GPC6: variants seen among roughly 807,000 people sequenced by gnomAD.
GPC6 encodes glypican 6.
A neutral mutation model predicts 55.2 loss-of-function variants in GPC6; 14 were observed. That is an observed-to-expected ratio of 0.25 (90% CI 0.17 to 0.40). GPC6 has a LOEUF of 0.40. Among genes scored for constraint, GPC6 ranks in the 10% least tolerant of loss-of-function variants. The probability of loss-of-function intolerance (pLI) is 1.00; values close to 1 mark genes in which losing one functional copy is unlikely to be tolerated. For missense variants in GPC6, 641 were observed against 708.5 expected, an observed-to-expected ratio of 0.90 and a Z score of 1.08; for synonymous variants, 278 against 259.6, an observed-to-expected ratio of 1.07 and a Z score of -0.68.
At chr13:94,020,396 G>C (rs1401573821) in intron 3 of GPC6, among the ~76,000 whole-genome samples, 1 of 152,136 alleles carries the variant, frequency 6.6e-6, no homozygotes, top group African/African-American at 2.4e-5. Flanking sequence ...ATTTAGTAAT[G>C]CTTTTTCGAC....
intron 3 of GPC6, among the ~76,000 whole-genome samples, chr13:93,918,595 C>T (rs950269689): frequency 2.6e-5 from 4 of 152,172 alleles, no homozygotes; most frequent in African/African-American, 9.7e-5. Flanking sequence ...TTGGAAGTTA[C>T]TCATCTCATA....
At chr13:93,640,222 G>T (rs1379427694) in intron 2 of GPC6, among the ~76,000 whole-genome samples, 1 of 151,728 alleles carries the variant, frequency 6.6e-6, no homozygotes. Context: ...GCACAAAAAT[G>T]TTAAAAATCC....
chr13:94,368,110 C>T (rs1049941340), intron 6 of GPC6, among the ~76,000 whole-genome samples: 21 of 146,068 alleles, frequency 1.4e-4, no homozygotes, highest in Admixed American at 6.3e-4. Context: ...GATCGCACCA[C>T]TGCACTCCAG....
rs1406680901 is a variant in GPC6 at position 93,553,224 on chromosome 13, C to G, written c.319+7803C>G. Among the ~76,000 whole-genome samples the G allele has an allele frequency of 2.0e-5, 3 of 151,154 alleles. No individual in the cohort carries two copies. The Admixed American group carries it at 2.0e-4, about 10-fold the overall frequency. On this transcript the variant is annotated intron_variant, in intron 2 of 8. Transcript: ENST00000377047. ...TAAAAAATTATTCTTTCTTCTTCCA[C>G]TGAGCCAGTGTAAGAGTTCCTTTTT... is the stretch of plus-strand genomic sequence containing the variant.
At chr13:93,895,247 T>C (rs1184520082) in intron 3 of GPC6, among the ~76,000 whole-genome samples, 5 of 62,344 alleles carry the variant, frequency 8.0e-5, no homozygotes, top group African/African-American at 2.8e-4. Context: ...TATATATATA[T>C]ATATATATAT....
At chr13:94,095,965 A>G (rs1885640999) in intron 4 of GPC6, among the ~76,000 whole-genome samples, 1 of 152,192 alleles carries the variant, frequency 6.6e-6, no homozygotes, top group Non-Finnish European at 1.5e-5. Context: ...ATCACTAAGA[A>G]TGCCACCCAA....
intron 1 of GPC6, among the ~76,000 whole-genome samples, chr13:93,365,995 T>A (rs1881233236): frequency 6.6e-6 from 1 of 152,106 alleles, no homozygotes; most frequent in Non-Finnish European, 1.5e-5. Context: ...ATTTTACATA[T>A]TTTTACTAAG....
intron 4 of GPC6, among the ~76,000 whole-genome samples, chr13:94,194,985 A>T (rs909559417): frequency 1.3e-5 from 2 of 152,158 alleles, no homozygotes; most frequent in African/African-American, 4.8e-5. Context: ...TAAGAGGAGT[A>T]TGAGAAGTAT....
chr13:93,804,173 G>T (rs1461517846), intron 2 of GPC6, among the ~76,000 whole-genome samples: 1 of 151,968 alleles, frequency 6.6e-6, no homozygotes, highest in Non-Finnish European at 1.5e-5. Flanking sequence ...GTTTCTGATG[G>T]AATTGAATAA....
chr13:93,642,416 C>T (rs1594335956), intron 2 of GPC6, among the ~76,000 whole-genome samples: 1 of 151,946 alleles, frequency 6.6e-6, no homozygotes, highest in African/African-American at 2.4e-5. Flanking sequence ...CAGTTAATCC[C>T]ATATTTTTGC....
intron 2 of GPC6, among the ~76,000 whole-genome samples, chr13:93,651,566 A>T (rs1880409218): frequency 6.6e-6 from 1 of 152,122 alleles, no homozygotes; most frequent in African/African-American, 2.4e-5. Flanking sequence ...CACCAGAGAG[A>T]GGCAAATGAC....
intron 1 of GPC6, among the ~76,000 whole-genome samples, chr13:93,297,696 C>A (rs1878541115): frequency 1.3e-5 from 2 of 151,996 alleles, no homozygotes; most frequent in South Asian, 4.1e-4. Flanking sequence ...TAAAATGTCA[C>A]CTCCTCCAGA....
intron 3 of GPC6, among the ~76,000 whole-genome samples, chr13:93,877,035 A>G (rs1010509789): frequency 1.3e-5 from 2 of 152,096 alleles, no homozygotes; most frequent in Non-Finnish European, 2.9e-5. Context: ...CCTATCTTCA[A>G]TATGACAAAT....
chr13:93,984,442 A>G (rs186517623), intron 3 of GPC6, among the ~76,000 whole-genome samples: 2 of 152,332 alleles, frequency 1.3e-5, no homozygotes, highest in African/African-American at 4.8e-5. Context: ...GCAAAGTAAA[A>G]TAGTATCCCA....
chr13:93,721,505 A>G, intron 2 of GPC6, among the ~76,000 whole-genome samples: 1 of 151,822 alleles, frequency 6.6e-6, no homozygotes, highest in South Asian at 2.1e-4. Context: ...AAATTTGCTG[A>G]TGAGATTGAT....
chr13:93,280,980 C>T lies in GPC6; in HGVS notation c.160+53364C>T, dbSNP rs575661190. 7.4e-4 allele frequency among the ~76,000 whole-genome samples: 112 copies of T among 152,312 alleles called. 1 individual carries two copies. Among genetic ancestry groups the T allele is most frequent in the African/African-American group, 2.6e-3 (107 of 41,572 alleles). ...CACCTCCGGCTGTGTGGCCCAGTTCCTAATAGGCAACGGACTGGTGCTGGT... is the reference window on the plus strand; with the variant it reads ...CACCTCCGGCTGTGTGGCCCAGTTCTTAATAGGCAACGGACTGGTGCTGGT... On this transcript the variant is annotated intron_variant, in intron 1 of 8. Coordinates refer to ENST00000377047, the MANE Select transcript of GPC6 (RefSeq NM_005708.5).
At chr13:94,385,134 G>A (rs929381202) in intron 7 of GPC6, among the ~76,000 whole-genome samples, 1 of 152,060 alleles carries the variant, frequency 6.6e-6, no homozygotes, top group Non-Finnish European at 1.5e-5. Flanking sequence ...CAGCTACTTA[G>A]GAAGCTAAGG....
At chr13:94,141,927 TATTTATTTCCC>T in intron 4 of GPC6, among the ~76,000 whole-genome samples, 1 of 152,298 alleles carries the variant, frequency 6.6e-6, no homozygotes, top group South Asian at 2.1e-4. Context: ...CGTTAGAAAC[TATTTATTTCCC>T]TTTACTTCCC....
intron 1 of GPC6, among the ~76,000 whole-genome samples, chr13:93,334,085 A>T (rs1879957074): frequency 6.6e-6 from 1 of 152,040 alleles, no homozygotes; most frequent in South Asian, 2.1e-4. Context: ...ATCCATTTTC[A>T]TTTATTTCTA....
Sources: gnomAD v4.1 joint callset for allele counts (sites outside exome capture counted in the v4.1 genomes callset) on GRCh38, gnomAD v4.1.1 for gene constraint, MANE v1.5 for transcripts, NCBI Gene and HGNC (gene_info 2026-07-23, HGNC 2026-07-21) for gene names.